The following KCNH1 variants were observed in gnomAD, a reference collection of about 807,000 sequenced individuals.
KCNH1 encodes potassium voltage-gated channel subfamily H member 1.
Under a neutral mutation model 69.2 loss-of-function variants are expected in KCNH1, and 27 were observed. The ratio of observed to expected loss-of-function variants is 0.39; its 90% CI spans 0.29 to 0.54. The LOEUF (loss-of-function observed/expected upper bound fraction) is 0.54, where lower values mean the gene tolerates loss of function less well. Ranked by LOEUF, KCNH1 falls within the 20% of genes least tolerant of loss-of-function variation. The pLI is 0.68. For synonymous variants in KCNH1, 456 were observed against 487.7 expected (o/e 0.93, Z 0.86); for missense variants, 798 against 1,261.6 (o/e 0.63, Z 5.57).
chr1:210,895,401 T>C (rs1462715831), intron 7 of KCNH1, among the ~76,000 whole-genome samples: 1 of 152,138 alleles, frequency 6.6e-6, no homozygotes, highest in African/African-American at 2.4e-5. Context: ...AGGCTACCTT[T>C]TTCCATTGCC....
rs749178660 is a variant in KCNH1, at chr1:210,683,419, C to T, written c.2832G>A (p.Met944Ile). The change falls in exon 11 of 11, where the codon ATG becomes ATA. Residue 944 changes from methionine to isoleucine, a missense_variant. By Grantham distance (10) the Met-to-Ile change is conservative. Coordinates refer to ENST00000271751, the MANE Select transcript of KCNH1 (RefSeq NM_172362.3). This position sits in a 1 kb window ranked among gnomAD's most constrained non-coding sequence, Gnocchi z 5.7. ...KEDIKALNAKMTNIEKQLSEI... is the reference protein window; with the variant it reads ...KEDIKALNAKITNIEKQLSEI... ...CAGAGAGCTGTTTCTCAATATTGGT[C>T]ATTTTGGCGTTTAAGGCCTTGATGT... 6.8e-6 allele frequency: 11 copies of T among 1,614,106 alleles called. No individual in the cohort carries two copies. The South Asian group carries it at 8.8e-5, about 13-fold the overall frequency.
At chr1:210,905,637 G>A (rs536164861) in intron 7 of KCNH1, among the ~76,000 whole-genome samples, 2 of 151,588 alleles carry the variant, frequency 1.3e-5, no homozygotes, top group East Asian at 2.0e-4. Context: ...TGTGAGCATC[G>A]TGTCTTTCAT....
chr1:210,972,312 G>C (rs1256971372), intron 6 of KCNH1, among the ~76,000 whole-genome samples: 1 of 152,002 alleles, frequency 6.6e-6, no homozygotes, highest in Non-Finnish European at 1.5e-5. Context: ...AAGACTTGCA[G>C]ACTAGATTGT....
At chr1:210,831,217 T>G (rs1685155913) in intron 7 of KCNH1, among the ~76,000 whole-genome samples, 1 of 152,210 alleles carries the variant, frequency 6.6e-6, no homozygotes, top group African/African-American at 2.4e-5. Flanking sequence ...TTTATTCTGT[T>G]TAAGTTCAAG....
intron 5 of KCNH1, among the ~76,000 whole-genome samples, chr1:211,056,965 A>C (rs1035307898): frequency 6.6e-6 from 1 of 152,168 alleles, no homozygotes; most frequent in African/African-American, 2.4e-5. Context: ...CAATCCCCAG[A>C]CACTGATGAA....
intron 6 of KCNH1, among the ~76,000 whole-genome samples, chr1:210,980,046 T>C (rs1688682158): frequency 6.6e-6 from 1 of 152,242 alleles, no homozygotes; most frequent in African/African-American, 2.4e-5. Flanking sequence ...CACAAAATGC[T>C]TAATTATTTC....
intron 7 of KCNH1, among the ~76,000 whole-genome samples, chr1:210,845,339 G>A (rs1435858883): frequency 6.6e-6 from 1 of 152,094 alleles, no homozygotes; most frequent in African/African-American, 2.4e-5. Flanking sequence ...ATAAAATACT[G>A]GCAAACCAAA....
At chr1:210,984,280 G>A (rs1047137377) in intron 6 of KCNH1, among the ~76,000 whole-genome samples, 1 of 152,060 alleles carries the variant, frequency 6.6e-6, no homozygotes, top group Non-Finnish European at 1.5e-5. Flanking sequence ...TCTCCTGCCT[G>A]ATTGCCCTGG....
At chr1:210,979,200 T>C (rs1688668653) in intron 6 of KCNH1, among the ~76,000 whole-genome samples, 1 of 152,218 alleles carries the variant, frequency 6.6e-6, no homozygotes, top group South Asian at 2.1e-4. Flanking sequence ...CAAACCTCGA[T>C]GCTAACAAAG....
chr1:211,072,964 A>G (rs1357096683), intron 5 of KCNH1, among the ~76,000 whole-genome samples: 1 of 152,246 alleles, frequency 6.6e-6, no homozygotes, highest in East Asian at 1.9e-4. Context: ...AGACCCAACT[A>G]TATGTCGTCT....
chr1:210,725,545 G>A (rs1234335372), intron 10 of KCNH1, among the ~76,000 whole-genome samples: 2 of 152,156 alleles, frequency 1.3e-5, no homozygotes, highest in Non-Finnish European at 2.9e-5. Context: ...GGGGTAGGGG[G>A]TGATCAGGGA....
At chr1:211,061,447 TG>T (rs1690432176) in intron 5 of KCNH1, among the ~76,000 whole-genome samples, 1 of 152,162 alleles carries the variant, frequency 6.6e-6, no homozygotes, top group Admixed American at 6.5e-5. Flanking sequence ...AACATAGTAC[TG>T]GAAGTCCTAA....
chr1:210,869,825 G>A (rs1381585660), intron 7 of KCNH1, among the ~76,000 whole-genome samples: 2 of 152,032 alleles, frequency 1.3e-5, no homozygotes, highest in Non-Finnish European at 2.9e-5. Flanking sequence ...TACCAGCCCT[G>A]TATTGCCTCT....
chr1:210,932,037 G>T (rs1687689545), intron 6 of KCNH1, among the ~76,000 whole-genome samples: 1 of 152,008 alleles, frequency 6.6e-6, no homozygotes, highest in Non-Finnish European at 1.5e-5. Flanking sequence ...GACAGTAAAA[G>T]GAACAGAAAA....
intron 7 of KCNH1, among the ~76,000 whole-genome samples, chr1:210,818,452 C>T (rs747755012): frequency 3.3e-5 from 5 of 152,264 alleles, no homozygotes; most frequent in South Asian, 2.1e-4. Context: ...TTTGCAGTCA[C>T]GCTGACTATC....
intron 6 of KCNH1, among the ~76,000 whole-genome samples, chr1:210,942,877 T>G (rs1687898561): frequency 6.6e-6 from 1 of 152,186 alleles, no homozygotes; most frequent in South Asian, 2.1e-4. Context: ...CTTCTTTGAC[T>G]ATAATTATCA....
intron 5 of KCNH1, among the ~76,000 whole-genome samples, chr1:211,045,049 T>TATATATATATATATATATATAGATAG: frequency 9.6e-6 from 1 of 103,902 alleles, no homozygotes; most frequent in East Asian, 2.5e-4. Context: ...GGGATATATA[T>TATATATATATATATATATATAGATAG]ATATATATAT....
At chr1:210,742,372 T>A (rs551308184) in intron 10 of KCNH1, among the ~76,000 whole-genome samples, 10 of 152,258 alleles carry the variant, frequency 6.6e-5, no homozygotes, top group African/African-American at 2.4e-4. Flanking sequence ...GAGCCCATGG[T>A]TTTTATCTTT....
chr1:211,076,261 G>A (rs1334613122), intron 5 of KCNH1, among the ~76,000 whole-genome samples: 4 of 152,238 alleles, frequency 2.6e-5, no homozygotes, highest in African/African-American at 9.6e-5. Context: ...TGACCTCTGA[G>A]AATGGACAGA....
Sources: allele counts gnomAD v4.1 joint callset (sites outside exome capture counted in the v4.1 genomes callset), GRCh38; gene constraint gnomAD v4.1.1; non-coding constraint Gnocchi (gnomAD v3.1); transcripts MANE v1.5; gene names NCBI Gene and HGNC (gene_info 2026-07-23, HGNC 2026-07-21).